Variants in XKR4 observed in about 807,000 individuals in gnomAD.
The protein encoded by XKR4 is XK-related protein 4.
XKR4 carries 12 observed loss-of-function variants against 53.9 expected under a neutral mutation model. The observed-to-expected ratio is 0.22, with a 90% CI of 0.14 to 0.36. The LOEUF is 0.36. XKR4 is among the 10% of genes least tolerant of loss of function. The pLI is 1.00. For synonymous variants in XKR4, 354 were observed against 362.4 expected (o/e 0.98, Z 0.26); for missense variants, 799 against 859.5 (o/e 0.93, Z 0.88).
intron 1 of XKR4, among the ~76,000 whole-genome samples, chr8:55,136,282 T>A (rs1816628742): frequency 6.6e-6 from 1 of 150,622 alleles, no homozygotes; most frequent in African/African-American, 2.4e-5. Context: ...GTGCCTGGGG[T>A]GAGCAGGGAA....
At chr8:55,146,302 G>A (rs957096768) in intron 1 of XKR4, among the ~76,000 whole-genome samples, 2 of 152,216 alleles carry the variant, frequency 1.3e-5, no homozygotes, top group African/African-American at 4.8e-5. Flanking sequence ...ACTGTTCAGA[G>A]TTGGGGACAA....
chr8:55,223,206 A>G (rs1193487505), intron 1 of XKR4, among the ~76,000 whole-genome samples: 1 of 152,228 alleles, frequency 6.6e-6, no homozygotes, highest in African/African-American at 2.4e-5. Context: ...CAGTTAAATT[A>G]TAGCCCGGGT....
chr8:55,435,594 T>A (rs987204832), intron 2 of XKR4, among the ~76,000 whole-genome samples: 2 of 151,050 alleles, frequency 1.3e-5, no homozygotes, highest in Non-Finnish European at 2.9e-5. Context: ...TTTTGAGATG[T>A]GGTCTTGCTC....
chr8:55,459,928 C>A (rs747179691), intron 2 of XKR4, among the ~76,000 whole-genome samples: 11 of 150,758 alleles, frequency 7.3e-5, no homozygotes, highest in Non-Finnish European at 1.5e-4. Flanking sequence ...TCCCAGGTAA[C>A]TTCTCAAGAG....
In XKR4 at chr8:55,456,778, T is replaced by C. The variant is rs113122009; in HGVS notation, c.1007-66503T>C. ...TTGAATAAACATAGCATCAAAGGCA[T>C]GTAGGGCAATGTTAAGCCTACCAAC... On this transcript the variant is annotated intron_variant, in intron 2 of 2. Coordinates refer to ENST00000327381, the MANE Select transcript of XKR4 (RefSeq NM_052898.2). Among the ~76,000 whole-genome samples the C allele has an allele frequency of 9.4e-3, 1,435 of 152,252 alleles. 25 individuals carry two copies. Among genetic ancestry groups the C allele is most frequent in the African/African-American group, 0.033 (1,353 of 41,558 alleles).
chr8:55,490,446 C>T (rs1806255173), intron 2 of XKR4, among the ~76,000 whole-genome samples: 1 of 152,074 alleles, frequency 6.6e-6, no homozygotes, highest in South Asian at 2.1e-4. Context: ...GGTTGAAAAA[C>T]TCACCATTGG....
chr8:55,516,018 A>G (rs1046058981), intron 2 of XKR4, among the ~76,000 whole-genome samples: 2 of 152,144 alleles, frequency 1.3e-5, no homozygotes, highest in Non-Finnish European at 2.9e-5. Flanking sequence ...TGCTAATTAC[A>G]TGAGTGTGGG....
chr8:55,206,813 T>C (rs1346069313), intron 1 of XKR4, among the ~76,000 whole-genome samples: 2 of 152,184 alleles, frequency 1.3e-5, no homozygotes, highest in African/African-American at 4.8e-5. Context: ...TTTGAACTGG[T>C]GAAAGAAATC....
At chr8:55,137,398 G>T (rs1816645869) in intron 1 of XKR4, among the ~76,000 whole-genome samples, 1 of 152,106 alleles carries the variant, frequency 6.6e-6, no homozygotes, top group South Asian at 2.1e-4. Flanking sequence ...CTGTGATCAA[G>T]GCATTTAGTT....
chr8:55,495,954 T>C (rs1032145773), intron 2 of XKR4, among the ~76,000 whole-genome samples: 1 of 152,208 alleles, frequency 6.6e-6, no homozygotes, highest in African/African-American at 2.4e-5. Flanking sequence ...ATGAGAAATA[T>C]TTTAGAAAAA....
Position 55,427,767 on chromosome 8 carries a change from T to C in XKR4, c.1006+69890T>C, listed in dbSNP as rs1459801893. On this transcript the variant is annotated intron_variant, in intron 2 of 2. Transcript: ENST00000327381. ...CTTCCAACAGTGTCTAGCTACTTAA[T>C]GGTTATATCATTCCAAGTATATCAT... 3.3e-5 allele frequency among the ~76,000 whole-genome samples: 5 copies of C among 152,374 alleles called. No individual in the cohort carries two copies. In the East Asian group the frequency reaches 9.6e-4, roughly 29 times the overall value.
intron 2 of XKR4, among the ~76,000 whole-genome samples, chr8:55,472,812 G>A (rs1389050456): frequency 6.6e-6 from 1 of 152,062 alleles, no homozygotes; most frequent in East Asian, 1.9e-4. Flanking sequence ...AATGGGGGGT[G>A]AGGAAACGGA....
intron 1 of XKR4, among the ~76,000 whole-genome samples, chr8:55,205,791 G>A (rs761902042): frequency 6.6e-6 from 1 of 152,170 alleles, no homozygotes; most frequent in African/African-American, 2.4e-5. Flanking sequence ...TACTGTGTCC[G>A]GAATTGGTTC....
At chr8:55,289,637 GAAA>G (rs1563316424) in intron 1 of XKR4, among the ~76,000 whole-genome samples, 1,316 of 116,380 alleles carry the variant, frequency 0.011, 17 homozygotes, top group African/African-American at 0.028. Context: ...AAGAAAGAAA[GAAA>G]GAAAGAAAGG....
At chr8:55,457,069 C>A (rs1167524551) in intron 2 of XKR4, among the ~76,000 whole-genome samples, 3 of 151,100 alleles carry the variant, frequency 2.0e-5, no homozygotes, top group Non-Finnish European at 4.4e-5. Flanking sequence ...TGATTAATAG[C>A]TGACTTATCA....
intron 1 of XKR4, among the ~76,000 whole-genome samples, chr8:55,166,792 G>A (rs888762004): frequency 6.6e-6 from 1 of 152,098 alleles, no homozygotes; most frequent in African/African-American, 2.4e-5. Flanking sequence ...GTGAGCAGTG[G>A]GTGAAGAGAA....
intron 2 of XKR4, among the ~76,000 whole-genome samples, chr8:55,500,328 G>GA (rs1806419327): frequency 1.3e-5 from 2 of 151,680 alleles, no homozygotes; most frequent in Non-Finnish European, 1.5e-5. Flanking sequence ...CACCAGTATT[G>GA]AAAGCCATAT....
At chr8:55,173,049 T>G (rs148352665) in intron 1 of XKR4, among the ~76,000 whole-genome samples, 66 of 152,340 alleles carry the variant, frequency 4.3e-4, no homozygotes, top group African/African-American at 1.5e-3. Flanking sequence ...TTGTTATTTG[T>G]GTTATAGGAA....
intron 1 of XKR4, among the ~76,000 whole-genome samples, chr8:55,241,557 G>A (rs1474053958): frequency 6.6e-6 from 1 of 152,130 alleles, no homozygotes; most frequent in Non-Finnish European, 1.5e-5. Context: ...GCACTGATAT[G>A]TATGTTGTTT....
Sources: gnomAD v4.1 joint callset for allele counts (sites outside exome capture counted in the v4.1 genomes callset) on GRCh38, gnomAD v4.1.1 for gene constraint, MANE v1.5 for transcripts, NCBI Gene and HGNC (gene_info 2026-07-23, HGNC 2026-07-21) for gene names.